The following MEGF6 variants were observed in gnomAD, a reference collection of about 807,000 sequenced individuals.
MEGF6 encodes the protein multiple EGF like domains 6.
MEGF6 carries 184 observed loss-of-function variants against 207.1 expected under a neutral mutation model. That is an observed-to-expected ratio of 0.89 (90% CI 0.79 to 1.00). The LOEUF is 1.00. MEGF6 is among the 50% of genes least tolerant of loss of function. The probability of loss-of-function intolerance (pLI) is 0.00; values close to 1 mark genes in which losing one functional copy is unlikely to be tolerated. For missense variants in MEGF6, 2,282 were observed against 2,202.9 expected, an observed-to-expected ratio of 1.04 and a Z score of -0.72; for synonymous variants, 1,038 against 910.0, an observed-to-expected ratio of 1.14 and a Z score of -2.53.
intron 4 of MEGF6, among the ~76,000 whole-genome samples, chr1:3,526,129 G>C (rs1641953302): frequency 6.6e-6 from 1 of 152,238 alleles, no homozygotes; most frequent in Non-Finnish European, 1.5e-5. Flanking sequence ...ACCCCCACCA[G>C]AGAGACTTCC....
chr1:3,582,417 C>T (rs1396487824), intron 3 of MEGF6, among the ~76,000 whole-genome samples: 2 of 152,188 alleles, frequency 1.3e-5, no homozygotes, highest in African/African-American at 4.8e-5. Context: ...CGGGTCCACC[C>T]TCAGGGTATC....
upstream of MEGF6, among the ~76,000 whole-genome samples, chr1:3,615,801 C>G (rs1395305192): frequency 6.6e-6 from 1 of 152,318 alleles, no homozygotes; most frequent in South Asian, 2.1e-4. Flanking sequence ...CCTCTTTATC[C>G]CACCTGGCCT....
chr1:3,540,281 A>C (rs1642473348), intron 4 of MEGF6, among the ~76,000 whole-genome samples: 1 of 152,238 alleles, frequency 6.6e-6, no homozygotes, highest in African/African-American at 2.4e-5. Context: ...CGGACGGAGC[A>C]GGCCTCTGAC....
chr1:3,607,535 G>A (rs34680520), intron 1 of MEGF6, among the ~76,000 whole-genome samples: 8,015 of 152,272 alleles, frequency 0.053, 286 homozygotes, highest in Non-Finnish European at 0.076. Flanking sequence ...CCACAGCACC[G>A]CACCCGCACG....
intron 2 of MEGF6, 53 bp from the exon 3 acceptor site, chr1:3,595,500 C>G: frequency 6.8e-7 from 1 of 1,465,704 alleles, no homozygotes; most frequent in South Asian, 1.1e-5. Context: ...TGGCTGTATT[C>G]GGCTCTCACT....
chr1:3,539,521 T>G (rs1642447933), intron 4 of MEGF6, among the ~76,000 whole-genome samples: 1 of 152,066 alleles, frequency 6.6e-6, no homozygotes, highest in African/African-American at 2.4e-5. Flanking sequence ...GAACGTGACT[T>G]GGCCCGGGTC....
intron 14 of MEGF6, among the ~76,000 whole-genome samples, chr1:3,507,269 G>A (rs529102133): frequency 4.6e-5 from 7 of 152,338 alleles, no homozygotes; most frequent in African/African-American, 1.7e-4. Flanking sequence ...ATCGAAAGAG[G>A]CAGAAATGAT....
chr1:3,623,161 C>T, the MEGF6 span: 2 of 142,484 alleles, frequency 1.4e-5, no homozygotes, highest in Non-Finnish European at 3.1e-5. Flanking sequence ...CCCCCATTCT[C>T]TCTCCCTCTC....
intron 5 of MEGF6, among the ~76,000 whole-genome samples, chr1:3,516,970 C>T (rs551961771): frequency 2.6e-5 from 4 of 152,350 alleles, no homozygotes; most frequent in African/African-American, 9.6e-5. Flanking sequence ...ATCCACCTAA[C>T]TGCCCAGACA....
At chr1:3,600,354 G>A (rs1274161267) in intron 2 of MEGF6, among the ~76,000 whole-genome samples, 8 of 152,202 alleles carry the variant, frequency 5.3e-5, no homozygotes, top group Non-Finnish European at 1.0e-4. Context: ...CTGGGATGCT[G>A]GGGTCCCCAC....
At chr1:3,622,993 C>T in the MEGF6 span, among the ~76,000 whole-genome samples, 6 of 152,170 alleles carry the variant, frequency 3.9e-5, no homozygotes, top group African/African-American at 7.2e-5. Context: ...TCAGAATCCT[C>T]ATTGTCCTGC....
rs1557804875 is a variant in MEGF6, at chr1:3,594,750, A to G, written c.376+588T>C. Among the ~76,000 whole-genome samples, 1 of 152,096 alleles carries G rather than the reference A, an allele frequency of 6.6e-6. No individual in the cohort carries two copies. Among genetic ancestry groups the G allele is most frequent in the Non-Finnish European group, 1.5e-5 (1 of 68,018 alleles). On this transcript the variant is annotated intron_variant, in intron 3 of 36. Transcript: ENST00000356575. This position sits in a 1 kb window ranked among gnomAD's most constrained non-coding sequence, Gnocchi z 4.2. ...CCGCCCGCTCAGCTCAGACCACCCAATTCCAGTCCTGGGCCCCCATCTCTG... is the reference window on the plus strand; with the variant it reads ...CCGCCCGCTCAGCTCAGACCACCCAGTTCCAGTCCTGGGCCCCCATCTCTG...
intron 1 of MEGF6, among the ~76,000 whole-genome samples, chr1:3,605,255 C>G (rs1020479318): frequency 8.6e-5 from 13 of 151,966 alleles, no homozygotes; most frequent in African/African-American, 3.1e-4. Flanking sequence ...ACAGAAGGCA[C>G]TCACACATAC....
At chr1:3,528,099 A>G (rs1184828137) in intron 4 of MEGF6, among the ~76,000 whole-genome samples, 1 of 152,210 alleles carries the variant, frequency 6.6e-6, no homozygotes, top group Admixed American at 6.5e-5. Flanking sequence ...GCTTCTGGAC[A>G]CAGCGAGCCA....
rs775063813 is a variant in MEGF6 at position 3,499,224 on chromosome 1, C to G, written c.3008G>C (p.Cys1003Ser). ...ACAGGAGGCCCCGTTAAAGCAGGCA[C>G]AGGCCTGGCTGCAATTGTGCCCGTA... ...HTYGHNCSQA[C>S]ACFNGASCDP... Residue 1003 changes from cysteine (C) to serine (S), a missense_variant, in exon 24 of 37, where the codon TGT becomes TCT. Transcript: ENST00000356575. 1.9e-6 allele frequency: 3 copies of G among 1,606,020 alleles called. No individual in the cohort carries two copies. The highest frequency in any genetic ancestry group is 1.1e-5 in the South Asian group (1 of 89,476).
intron 4 of MEGF6, among the ~76,000 whole-genome samples, chr1:3,536,371 G>A (rs1055748632): frequency 1.3e-5 from 2 of 152,188 alleles, no homozygotes; most frequent in African/African-American, 4.8e-5. Flanking sequence ...CAACTGAGAC[G>A]TCCGTCCAGG....
intron 3 of MEGF6, among the ~76,000 whole-genome samples, chr1:3,591,205 G>T (rs1161786640): frequency 6.6e-6 from 1 of 152,236 alleles, no homozygotes; most frequent in Non-Finnish European, 1.5e-5. Context: ...GAGCTGGAAT[G>T]TGGCGTCGGA....
At chr1:3,599,970 G>A (rs916950083) in intron 2 of MEGF6, among the ~76,000 whole-genome samples, 11 of 152,156 alleles carry the variant, frequency 7.2e-5, no homozygotes, top group African/African-American at 2.4e-4. Flanking sequence ...GGCTGACGTC[G>A]CCAGGCTGGT....
upstream of MEGF6, among the ~76,000 whole-genome samples, chr1:3,615,136 C>T (rs1232708713): frequency 6.6e-6 from 1 of 152,188 alleles, no homozygotes; most frequent in Non-Finnish European, 1.5e-5. Flanking sequence ...GTCACTTTGC[C>T]CAGTCCCTTC....
Sources: allele counts gnomAD v4.1 joint callset (sites outside exome capture counted in the v4.1 genomes callset), GRCh38; gene constraint gnomAD v4.1.1; non-coding constraint Gnocchi (gnomAD v3.1); transcripts MANE v1.5; gene names NCBI Gene and HGNC (gene_info 2026-07-23, HGNC 2026-07-21).